RCOR1: variants seen among roughly 807,000 people sequenced by gnomAD.
RCOR1 encodes the protein REST corepressor.
Under a neutral mutation model 64.0 loss-of-function variants are expected in RCOR1, and 12 were observed. That is an observed-to-expected ratio of 0.19 (90% confidence interval 0.12 to 0.30). RCOR1 has a LOEUF of 0.30. Among genes scored for constraint, RCOR1 ranks in the 10% least tolerant of loss-of-function variants. The pLI is 1.00. For missense variants in RCOR1, 502 were observed against 621.2 expected, an observed-to-expected ratio of 0.81 and a Z score of 2.04; for synonymous variants, 279 against 227.2, an observed-to-expected ratio of 1.23 and a Z score of -2.05.
Position 102,672,459 on chromosome 14 carries a change from G to T in RCOR1, c.362-9436G>T, listed in dbSNP as rs145077679. Among the ~76,000 whole-genome samples, 1,418 of 152,110 alleles carry T rather than the reference G, an allele frequency of 9.3e-3. 23 individuals are homozygous for T. Among genetic ancestry groups the T allele is most frequent in the African/African-American group, 0.032 (1,342 of 41,486 alleles). ...CATCTCCTGACCTCATGATCCGCCCGCCTCGGCTTCCCAAAGTGCTGGGAT... is the reference window on the plus strand; with the variant it reads ...CATCTCCTGACCTCATGATCCGCCCTCCTCGGCTTCCCAAAGTGCTGGGAT... On this transcript the variant is annotated intron_variant, in intron 2 of 11. Transcript: ENST00000262241.
intron 8 of RCOR1, among the ~76,000 whole-genome samples, chr14:102,718,738 C>G (rs1453020863): frequency 6.6e-6 from 1 of 152,014 alleles, no homozygotes; most frequent in African/African-American, 2.4e-5. Flanking sequence ...TGGCAGTAAT[C>G]TCTGTTTTTT....
chr14:102,639,497 TTTTA>T (rs3069233), intron 2 of RCOR1, among the ~76,000 whole-genome samples: 47,448 of 134,982 alleles, frequency 0.35, 8,261 homozygotes, highest in Middle Eastern at 0.43. Flanking sequence ...ATTTTTTAAT[TTTTA>T]TTTATTTATT....
At chr14:102,593,908 A>G (rs983845444) in intron 2 of RCOR1, among the ~76,000 whole-genome samples, 1 of 152,156 alleles carries the variant, frequency 6.6e-6, no homozygotes, top group Non-Finnish European at 1.5e-5. Flanking sequence ...TGGGGAAGAG[A>G]GTCTCGCGTG....
intron 2 of RCOR1, among the ~76,000 whole-genome samples, chr14:102,663,811 G>A (rs1422026639): frequency 2.6e-5 from 4 of 152,172 alleles, no homozygotes; most frequent in Admixed American, 1.3e-4. Context: ...CGTATGTGGC[G>A]AAATTACATT....
In RCOR1 at chr14:102,729,763, C is replaced by T. The variant is rs1896333623; in HGVS notation, c.*3257C>T. 2.5e-6 allele frequency: 1 copy of T among 398,732 alleles called. No homozygotes were observed. The highest frequency in any genetic ancestry group is 1.3e-4 in the South Asian group (1 of 7,622). 24.7% of individuals were successfully genotyped at this position (398,732 alleles called of 1,614,324 possible). A position where few individuals can be genotyped will look rare whatever the true frequency, so the allele number is the denominator to read the frequency against. ...ATCAGATGTACTATTGGTATAATTG[C>T]ACACCAAAAATAAGCCAAACAGTGC... On this transcript the variant is annotated 3_prime_UTR_variant, in exon 12 of 12. Transcript: ENST00000262241.
intron 4 of RCOR1, among the ~76,000 whole-genome samples, chr14:102,702,434 C>T (rs1459324794): frequency 6.6e-6 from 1 of 151,104 alleles, no homozygotes; most frequent in Non-Finnish European, 1.5e-5. Flanking sequence ...TATTCTATTT[C>T]TACTTTTTTT....
chr14:102,612,405 G>A (rs1323647684), intron 2 of RCOR1, among the ~76,000 whole-genome samples: 1 of 149,922 alleles, frequency 6.7e-6, no homozygotes, highest in East Asian at 2.0e-4. Flanking sequence ...GGGGTTTTGG[G>A]CCAGGCTGGT....
At chr14:102,669,482 A>G (rs989302092) in intron 2 of RCOR1, among the ~76,000 whole-genome samples, 1 of 152,098 alleles carries the variant, frequency 6.6e-6, no homozygotes, top group African/African-American at 2.4e-5. Context: ...TGTTCTTTAC[A>G]TTCTTTGGTT....
chr14:102,682,060 T>C lies in RCOR1; in HGVS notation c.445+82T>C, dbSNP rs548942543. 3.8e-4 allele frequency: 289 copies of C among 761,648 alleles called. 4 individuals carry two copies. In the South Asian group the frequency reaches 5.2e-3, roughly 14 times the overall value. 47.2% of individuals were successfully genotyped at this position (761,648 alleles called of 1,614,324 possible). On this transcript the variant is annotated intron_variant, in intron 3 of 11. Coordinates refer to ENST00000262241, the MANE Select transcript of RCOR1 (RefSeq NM_015156.4). ...GTACCTTTGAAGGTAAAAGCTTCTA[T>C]ATGTATTAAATTTCTTTTCTATTTT...
intron 8 of RCOR1, among the ~76,000 whole-genome samples, chr14:102,720,687 C>T (rs1281689978): frequency 1.3e-5 from 2 of 152,204 alleles, no homozygotes; most frequent in Non-Finnish European, 2.9e-5. Context: ...GGGATTTCTT[C>T]TGTCTTTTAT....
chr14:102,617,386 T>C (rs1415379268), intron 2 of RCOR1, among the ~76,000 whole-genome samples: 1 of 152,172 alleles, frequency 6.6e-6, no homozygotes, highest in African/African-American at 2.4e-5. Context: ...TCCACTTGTG[T>C]ACATGTTTTT....
intron 2 of RCOR1, among the ~76,000 whole-genome samples, chr14:102,637,196 G>T (rs1170178169): frequency 6.7e-6 from 1 of 149,152 alleles, no homozygotes. Flanking sequence ...GCACAATCTC[G>T]GCTCACGGCA....
At chr14:102,675,235 A>T (rs1296641948) in intron 2 of RCOR1, among the ~76,000 whole-genome samples, 1 of 152,088 alleles carries the variant, frequency 6.6e-6, no homozygotes, top group Non-Finnish European at 1.5e-5. Context: ...GAGTGTTAAG[A>T]CATGTATACA....
At position 102,714,406 on chromosome 14, in the gene RCOR1, C is replaced by A; in HGVS notation, c.859-17C>A. 1.3e-6 allele frequency: 2 copies of A among 1,544,062 alleles called. No individual in the cohort carries two copies. On this transcript the variant is annotated splice_polypyrimidine_tract_variant and intron_variant, in intron 7 of 11. Transcript: ENST00000262241. ...ACTTTTTTTAAGTTTCATTCATCAC[C>A]TGTGTATATCATGCAGGTTCCCCCT...
chr14:102,723,855 A>G (rs1896211285), intron 11 of RCOR1, among the ~76,000 whole-genome samples: 1 of 152,148 alleles, frequency 6.6e-6, no homozygotes, highest in South Asian at 2.1e-4. Context: ...CGCTGGCTCT[A>G]TTCCCTCTTC....
At chr14:102,653,485 G>A (rs1000679312) in intron 2 of RCOR1, among the ~76,000 whole-genome samples, 1 of 152,202 alleles carries the variant, frequency 6.6e-6, no homozygotes, top group Non-Finnish European at 1.5e-5. Flanking sequence ...ACCACGTGCA[G>A]CCTATAGTGT....
chr14:102,692,237 C>CT (rs1895548293), intron 3 of RCOR1, among the ~76,000 whole-genome samples: 1 of 152,078 alleles, frequency 6.6e-6, no homozygotes, highest in Non-Finnish European at 1.5e-5. Flanking sequence ...CTTTAAAATT[C>CT]TTCAGCACAT....
At chr14:102,655,778 C>A (rs1192239883) in intron 2 of RCOR1, among the ~76,000 whole-genome samples, 1 of 151,984 alleles carries the variant, frequency 6.6e-6, no homozygotes, top group Non-Finnish European at 1.5e-5. Flanking sequence ...CATGGTGAAA[C>A]CCCGTCTCTA....
At chr14:102,606,620 G>A (rs1302589452) in intron 2 of RCOR1, among the ~76,000 whole-genome samples, 1 of 151,048 alleles carries the variant, frequency 6.6e-6, no homozygotes, top group Non-Finnish European at 1.5e-5. Context: ...ACCAAATCAG[G>A]TTTTAAGTTT....
Sources: gnomAD v4.1 joint callset for allele counts (sites outside exome capture counted in the v4.1 genomes callset) on GRCh38, gnomAD v4.1.1 for gene constraint, MANE v1.5 for transcripts, NCBI Gene and HGNC (gene_info 2026-07-23, HGNC 2026-07-21) for gene names.